Variants in VDR observed in about 807,000 individuals in gnomAD.
VDR encodes vitamin D3 receptor.
Under a neutral mutation model 39.7 loss-of-function variants are expected in VDR, and 19 were observed. The observed-to-expected ratio is 0.48, with a 90% CI of 0.33 to 0.70. The LOEUF (loss-of-function observed/expected upper bound fraction) is 0.70, where lower values mean the gene tolerates loss of function less well. Among genes scored for constraint, VDR ranks in the 30% least tolerant of loss-of-function variants. The probability of loss-of-function intolerance (pLI) is 0.02; values close to 1 mark genes in which losing one functional copy is unlikely to be tolerated. For missense variants in VDR, 442 were observed against 570.5 expected (o/e 0.77, Z 2.29); for synonymous variants, 242 against 215.8 (o/e 1.12, Z -1.07).
At chr12:47,883,970 G>A (rs578068944) in intron 1 of VDR, among the ~76,000 whole-genome samples, 2 of 152,382 alleles carry the variant, frequency 1.3e-5, no homozygotes, top group African/African-American at 4.8e-5. Flanking sequence ...AGCATGGGCA[G>A]TGGGAGGTGT....
At chr12:47,857,755 G>A in intron 4 of VDR, 67 bp from the exon 5 acceptor site, 3 of 1,570,928 alleles carry the variant, frequency 1.9e-6, no homozygotes, top group Non-Finnish European at 2.6e-6. Flanking sequence ...TCCTCCTGCG[G>A]TTGGGGGTAA....
intron 7 of VDR, among the ~76,000 whole-genome samples, chr12:47,852,459 G>C (rs188435508): frequency 5.4e-4 from 82 of 152,350 alleles, no homozygotes; most frequent in Admixed American, 4.7e-3. Flanking sequence ...AAGCCTCTGA[G>C]GGTAAACCCT....
At position 47,895,607 on chromosome 12, in the gene VDR, TA is replaced by T. The variant is rs559384037; in HGVS notation, c.-84+9347del. Reference sequence around the variant, plus strand: ...ATCCCACTCTATAACAGTTACCTGTTAAAAAAAAACTACCAGAGGATGCAGT... The same window carrying T: ...ATCCCACTCTATAACAGTTACCTGTTAAAAAAAACTACCAGAGGATGCAGT... On this transcript the variant is annotated intron_variant, in intron 1 of 9. Coordinates refer to ENST00000549336, the MANE Select transcript of VDR (RefSeq NM_000376.3). Among the ~76,000 whole-genome samples, 112 of 151,686 alleles carry T rather than the reference TA, an allele frequency of 7.4e-4. 2 individuals are homozygous for T. The South Asian group carries it at 0.02, about 27-fold the overall frequency.
intron 3 of VDR, among the ~76,000 whole-genome samples, chr12:47,872,226 C>T (rs1039858922): frequency 1.3e-5 from 2 of 152,160 alleles, no homozygotes; most frequent in Non-Finnish European, 2.9e-5. Context: ...TTAACCTTCC[C>T]ATCCATTAGT....
chr12:47,852,394 G>A (rs559908347), intron 7 of VDR, among the ~76,000 whole-genome samples: 40 of 152,352 alleles, frequency 2.6e-4, no homozygotes, highest in African/African-American at 9.4e-4. Context: ...AACGTGAAGC[G>A]TGGAGGAGGG....
intron 7 of VDR, 115 bp from the exon 8 acceptor site, chr12:47,846,923 T>C (rs1592096568): frequency 2.4e-6 from 3 of 1,266,086 alleles, no homozygotes; most frequent in South Asian, 2.4e-5. Context: ...GCACCCTGGG[T>C]CTTTCATCGA....
intron 1 of VDR, chr12:47,904,462 TAAAAA>T (rs17886628): frequency 1.0e-3 from 371 of 359,916 alleles, no homozygotes; most frequent in African/African-American, 2.1e-3. Context: ...CAAAGAAAAG[TAAAAA>T]AAAAAAAAAA....
Position 47,843,926 on chromosome 12 carries a change from C to G in VDR, c.*820G>C, listed in dbSNP as rs1162593665. ...CCGAGGAGGACAGGGAGGGCTGGCT[C>G]TCCTGGGCAGGAGGTAAGGCACTGG... is the stretch of plus-strand genomic sequence containing the variant. On this transcript the variant is annotated 3_prime_UTR_variant, in exon 10 of 10. Transcript: ENST00000549336. 6.7e-6 allele frequency: 1 copy of G among 149,262 alleles called. No homozygotes were observed. The highest frequency in any genetic ancestry group is 1.5e-5 in the Non-Finnish European group (1 of 67,268). 9.2% of individuals were successfully genotyped at this position (149,262 alleles called of 1,614,324 possible). A position where few individuals can be genotyped will look rare whatever the true frequency, so the allele number is the denominator to read the frequency against.
intron 3 of VDR, among the ~76,000 whole-genome samples, chr12:47,874,873 T>C (rs1027956134): frequency 1.3e-5 from 2 of 152,244 alleles, no homozygotes; most frequent in African/African-American, 4.8e-5. Context: ...CCACTATATA[T>C]GTCATTTGGA....
intron 4 of VDR, among the ~76,000 whole-genome samples, chr12:47,859,853 CCTTCCTTCCTTCTTT>C (rs1565614986): frequency 3.7e-5 from 2 of 54,478 alleles, no homozygotes; most frequent in African/African-American, 1.8e-4. Flanking sequence ...TTCCTTCCTT[CCTTCCTTCCTTCTTT>C]CCTTCCTTCC....
At chr12:47,862,160 A>T (rs555865707) in intron 4 of VDR, among the ~76,000 whole-genome samples, 1 of 152,368 alleles carries the variant, frequency 6.6e-6, no homozygotes, top group East Asian at 1.9e-4. Context: ...TAATAGTATA[A>T]GCAAAAAGCA....
At chr12:47,868,637 C>T (rs1945784544) in intron 3 of VDR, among the ~76,000 whole-genome samples, 1 of 152,138 alleles carries the variant, frequency 6.6e-6, no homozygotes, top group Admixed American at 6.5e-5. Flanking sequence ...GATTGGTGTC[C>T]CTCCCACCAA....
rs754919163 is a variant in VDR, at chr12:47,857,625, T to G, written c.341A>C (p.Glu114Ala). 6.2e-7 allele frequency: 1 copy of G among 1,614,126 alleles called. No individual in the cohort carries two copies. The highest frequency in any genetic ancestry group is 1.1e-5 in the South Asian group (1 of 91,080). Residue 114 changes from glutamate to alanine, a missense_variant, in exon 5 of 10, where the codon GAG (glutamate) becomes GCG (alanine). Coordinates refer to ENST00000549336, the MANE Select transcript of VDR (RefSeq NM_000376.3). Reference sequence around the variant, plus strand: ...GGGCCGCAGACTGTCCTTCAAGGCCTCCTCCTCCTTCCGCTTCAGGATCAT... The same window carrying G: ...GGGCCGCAGACTGTCCTTCAAGGCCGCCTCCTCCTTCCGCTTCAGGATCAT... ...REMILKRKEE[E>A]ALKDSLRPKL...
intron 2 of VDR, among the ~76,000 whole-genome samples, chr12:47,879,769 C>T (rs1441188137): frequency 6.6e-6 from 1 of 152,150 alleles, no homozygotes; most frequent in East Asian, 1.9e-4. Flanking sequence ...TTTCCCCCCC[C>T]TTTTTTTGGC....
At chr12:47,880,045 C>G (rs1020618448) in intron 2 of VDR, among the ~76,000 whole-genome samples, 1 of 152,086 alleles carries the variant, frequency 6.6e-6, no homozygotes, top group Non-Finnish European at 1.5e-5. Flanking sequence ...TACTGTCAGG[C>G]TCAGAGATGA....
intron 7 of VDR, among the ~76,000 whole-genome samples, chr12:47,847,810 A>G (rs898486245): frequency 2.6e-5 from 4 of 152,182 alleles, no homozygotes; most frequent in Non-Finnish European, 4.4e-5. Flanking sequence ...CAGAATGATT[A>G]TGGCTTACTG....
chr12:47,864,170 T>A (rs755649448), intron 4 of VDR, among the ~76,000 whole-genome samples: 1 of 152,200 alleles, frequency 6.6e-6, no homozygotes, highest in South Asian at 2.1e-4. Context: ...AAGGAATGAG[T>A]GTACAGAGAG....
intron 3 of VDR, among the ~76,000 whole-genome samples, chr12:47,875,856 A>G (rs1184278647): frequency 6.6e-6 from 1 of 152,238 alleles, no homozygotes; most frequent in East Asian, 1.9e-4. Context: ...TGGTTGAGTT[A>G]TTAACATTGA....
chr12:47,851,091 A>G (rs1186864017), intron 7 of VDR, among the ~76,000 whole-genome samples: 1 of 152,194 alleles, frequency 6.6e-6, no homozygotes, highest in African/African-American at 2.4e-5. Flanking sequence ...CGAAGGAAGC[A>G]TGATAACCCC....
Sources: allele counts gnomAD v4.1 joint callset (sites outside exome capture counted in the v4.1 genomes callset), GRCh38; gene constraint gnomAD v4.1.1; transcripts MANE v1.5; gene names NCBI Gene and HGNC (gene_info 2026-07-23, HGNC 2026-07-21).